NEK1: variants seen among roughly 807,000 people sequenced by gnomAD.
NEK1 encodes NIMA related kinase 1, also known as serine/threonine-protein kinase Nek1.
Under a neutral mutation model 182.1 loss-of-function variants are expected in NEK1, and 137 were observed. The ratio of observed to expected loss-of-function variants is 0.75; its 90% CI spans 0.65 to 0.87. The LOEUF (loss-of-function observed/expected upper bound fraction) is 0.87. NEK1 is among the 40% of genes least tolerant of loss of function. The pLI is 0.00. For synonymous variants in NEK1, 513 were observed against 492.2 expected, an observed-to-expected ratio of 1.04 and a Z score of -0.56; for missense variants, 1,391 against 1,494.4, an observed-to-expected ratio of 0.93 and a Z score of 1.14.
intron 11 of NEK1, among the ~76,000 whole-genome samples, chr4:169,578,283 T>C (rs1766040142): frequency 6.6e-6 from 1 of 152,188 alleles, no homozygotes; most frequent in South Asian, 2.1e-4. Context: ...ATTGAAACCC[T>C]CTTTCCCTCT....
chr4:169,451,406 T>C (rs1741744191), intron 27 of NEK1, among the ~76,000 whole-genome samples: 1 of 152,068 alleles, frequency 6.6e-6, no homozygotes, highest in Non-Finnish European at 1.5e-5. Flanking sequence ...CCTCAGCAAA[T>C]GTAAAATAAC....
At chr4:169,417,120 G>T (rs1734668554) in intron 31 of NEK1, among the ~76,000 whole-genome samples, 1 of 152,126 alleles carries the variant, frequency 6.6e-6, no homozygotes, top group African/African-American at 2.4e-5. Flanking sequence ...TGAAGCCAAG[G>T]CCCCACTTGA....
chr4:169,471,290 C>T (rs1745916927), intron 26 of NEK1, among the ~76,000 whole-genome samples: 1 of 152,072 alleles, frequency 6.6e-6, no homozygotes, highest in African/African-American at 2.4e-5. Flanking sequence ...TGTTGGTGAC[C>T]TTTGGATGGG....
At chr4:169,572,972 TAG>T (rs1285563968) in intron 12 of NEK1, among the ~76,000 whole-genome samples, 7 of 152,060 alleles carry the variant, frequency 4.6e-5, no homozygotes, top group Non-Finnish European at 7.4e-5. Flanking sequence ...ACCAGAAATA[TAG>T]AGAGGTAGTT....
chr4:169,479,711 G>C (rs532839120), intron 23 of NEK1, among the ~76,000 whole-genome samples, 177 bp from the exon 24 acceptor site: 3 of 151,928 alleles, frequency 2.0e-5, no homozygotes, highest in Admixed American at 1.3e-4. Context: ...GCAGTGACTA[G>C]AGAAAAAAAT....
At chr4:169,536,640 A>T (rs1467069211) in intron 19 of NEK1, among the ~76,000 whole-genome samples, 2 of 152,204 alleles carry the variant, frequency 1.3e-5, no homozygotes, top group African/African-American at 4.8e-5. Flanking sequence ...CTCTAAAAAA[A>T]AATTACCAGA....
intron 19 of NEK1, among the ~76,000 whole-genome samples, chr4:169,521,781 G>A (rs1756100477): frequency 6.6e-6 from 1 of 152,148 alleles, no homozygotes; most frequent in Admixed American, 6.5e-5. Context: ...CATGGTTTCA[G>A]ATGAGAAACC....
intron 31 of NEK1, among the ~76,000 whole-genome samples, chr4:169,410,388 T>C (rs571121870): frequency 6.6e-6 from 1 of 152,342 alleles, no homozygotes; most frequent in Admixed American, 6.5e-5. Flanking sequence ...ATTACTTGCA[T>C]TAACAGAACT....
At chr4:169,570,486 C>A (rs1180835448) in intron 12 of NEK1, among the ~76,000 whole-genome samples, 1 of 151,062 alleles carries the variant, frequency 6.6e-6, no homozygotes, top group Non-Finnish European at 1.5e-5. Flanking sequence ...CGGCCAGCCG[C>A]CCCGTCCGGA....
chr4:169,508,162 T>A, intron 21 of NEK1, 86 bp downstream of exon 21: 2 of 1,150,018 alleles, frequency 1.7e-6, no homozygotes, highest in South Asian at 3.1e-5. Flanking sequence ...GTTGTTGTTG[T>A]CGTTGTTGTT....
chr4:169,494,073 C>A (rs887722127), intron 23 of NEK1, among the ~76,000 whole-genome samples: 1 of 151,780 alleles, frequency 6.6e-6, no homozygotes, highest in Admixed American at 6.6e-5. Flanking sequence ...TAAAGGGAAT[C>A]CCATCAGACT....
intron 32 of NEK1, among the ~76,000 whole-genome samples, chr4:169,405,729 G>C (rs538063369): frequency 1.3e-5 from 2 of 152,252 alleles, no homozygotes; most frequent in Admixed American, 1.3e-4. Flanking sequence ...AAACTCTTGG[G>C]CTCAAATGAT....
chr4:169,394,288 T>G lies in NEK1; in HGVS notation c.*222A>C. 1 of 412,608 alleles carries G rather than the reference T, an allele frequency of 2.4e-6. No homozygotes were observed. The highest frequency in any genetic ancestry group is 4.4e-6 in the Non-Finnish European group (1 of 229,836). 25.6% of individuals were successfully genotyped at this position (412,608 alleles called of 1,614,324 possible). On this transcript the variant is annotated 3_prime_UTR_variant, in exon 36 of 36. Coordinates refer to ENST00000507142, the MANE Select transcript of NEK1 (RefSeq NM_001199397.3). ...GGATGATTTAATAAAGTATATATTT[T>G]ATGAGATTTAACCATGGAATTCAAT...
intron 23 of NEK1, among the ~76,000 whole-genome samples, chr4:169,486,413 A>G (rs1483212831): frequency 6.6e-6 from 1 of 152,124 alleles, no homozygotes; most frequent in African/African-American, 2.4e-5. Flanking sequence ...CAGTCTGCCT[A>G]CTCTTGATGT....
intron 27 of NEK1, among the ~76,000 whole-genome samples, chr4:169,442,764 T>C (rs1223945911): frequency 6.6e-6 from 1 of 152,196 alleles, no homozygotes; most frequent in Non-Finnish European, 1.5e-5. Flanking sequence ...CCAGATGCTA[T>C]GACTCACAAA....
chr4:169,404,897 T>C (rs1732318589), intron 32 of NEK1, among the ~76,000 whole-genome samples: 1 of 152,130 alleles, frequency 6.6e-6, no homozygotes, highest in African/African-American at 2.4e-5. Flanking sequence ...AGATTCAGGA[T>C]TCCCCATGAA....
chr4:169,571,895 A>AT (rs57480182), intron 12 of NEK1, among the ~76,000 whole-genome samples: 92,415 of 137,166 alleles, frequency 0.67, 33,925 homozygotes, highest in Middle Eastern at 0.81. Flanking sequence ...TGCCCAGCTA[A>AT]TTTTTTTTTT....
At chr4:169,422,246 C>T (rs1267705170) in intron 31 of NEK1, among the ~76,000 whole-genome samples, 1 of 152,160 alleles carries the variant, frequency 6.6e-6, no homozygotes, top group Non-Finnish European at 1.5e-5. Context: ...TGCAATGAGA[C>T]TGCAACATAG....
At chr4:169,496,923 T>C (rs1470948174) in intron 23 of NEK1, among the ~76,000 whole-genome samples, 2 of 152,236 alleles carry the variant, frequency 1.3e-5, no homozygotes, top group Non-Finnish European at 2.9e-5. Context: ...CCTCATAAAA[T>C]GCGTTAGGGA....
Sources: gnomAD v4.1 joint callset for allele counts (sites outside exome capture counted in the v4.1 genomes callset) on GRCh38, gnomAD v4.1.1 for gene constraint, MANE v1.5 for transcripts, NCBI Gene and HGNC (gene_info 2026-07-23, HGNC 2026-07-21) for gene names.